The following MAEA variants were observed in gnomAD, a reference collection of about 807,000 sequenced individuals.
MAEA encodes the protein macrophage erythroblast attacher, E3 ubiquitin ligase, also known as E3 ubiquitin-protein transferase MAEA.
In MAEA, 22 loss-of-function variants were observed where a neutral mutation model predicts 46.2. That is an observed-to-expected ratio of 0.48 (90% CI 0.34 to 0.68). The LOEUF (loss-of-function observed/expected upper bound fraction) is 0.68. MAEA is among the 30% of genes least tolerant of loss of function. The pLI, the probability that MAEA is intolerant of heterozygous loss-of-function variation, is 0.01. For synonymous variants in MAEA, 246 were observed against 222.6 expected (o/e 1.11, Z -0.94); for missense variants, 393 against 558.1 (o/e 0.70, Z 2.98).
At chr4:1,300,600 G>A (rs749910300) in intron 1 of MAEA, among the ~76,000 whole-genome samples, 3 of 152,270 alleles carry the variant, frequency 2.0e-5, no homozygotes, top group Non-Finnish European at 4.4e-5. Flanking sequence ...GCCGGCTTCC[G>A]AGGCTGGGGC....
At chr4:1,327,147 G>C (rs1738948208) in intron 4 of MAEA, among the ~76,000 whole-genome samples, 1 of 152,268 alleles carries the variant, frequency 6.6e-6, no homozygotes, top group Non-Finnish European at 1.5e-5. Context: ...CGTTCTCCCA[G>C]AACAGCCCCG....
At chr4:1,290,315 C>T (rs1270086869) in intron 1 of MAEA, among the ~76,000 whole-genome samples, 2 of 151,822 alleles carry the variant, frequency 1.3e-5, no homozygotes, top group African/African-American at 4.8e-5. Flanking sequence ...TCTCTGGCGC[C>T]CAGGCAGACG....
chr4:1,306,474 T>A (rs1335249662), intron 1 of MAEA, among the ~76,000 whole-genome samples: 3 of 152,074 alleles, frequency 2.0e-5, no homozygotes, highest in Non-Finnish European at 2.9e-5. Context: ...GAGATCACGC[T>A]ATTGCACTCC....
chr4:1,309,186 G>A (rs1736129409), intron 1 of MAEA, among the ~76,000 whole-genome samples: 1 of 152,214 alleles, frequency 6.6e-6, no homozygotes, highest in Non-Finnish European at 1.5e-5. Flanking sequence ...TGCCAGGAAG[G>A]TTTGTGTGTG....
At position 1,320,992 on chromosome 4, in the gene MAEA, C is replaced by T. The variant is rs920449249; in HGVS notation, c.457-1389C>T. Among the ~76,000 whole-genome samples the T allele has an allele frequency of 5.3e-5, 8 of 152,172 alleles. No homozygotes were observed. The East Asian group carries it at 5.8e-4, about 11-fold the overall frequency. On this transcript the variant is annotated intron_variant, in intron 3 of 8. Transcript: ENST00000303400. ...GCAGGCGCCTGTAGTCCCAGCTACC[C>T]GGGAGGCCAAGGCAGGAGAATGGTG...
chr4:1,337,061 G>A (rs1264188004), intron 7 of MAEA, 67 bp downstream of exon 7: 24 of 1,559,970 alleles, frequency 1.5e-5, no homozygotes, highest in Admixed American at 3.4e-5. Flanking sequence ...ATTTTAACAC[G>A]CTGACCCTGC....
intron 3 of MAEA, among the ~76,000 whole-genome samples, chr4:1,322,129 C>A (rs2293631): frequency 0.3 from 45,178 of 152,028 alleles, 9,510 homozygotes; most frequent in African/African-American, 0.57. Flanking sequence ...TGGGGCCAGC[C>A]TGGCTCCCTT....
chr4:1,324,733 G>A (rs1224875589), intron 4 of MAEA, among the ~76,000 whole-genome samples: 1 of 122,980 alleles, frequency 8.1e-6, no homozygotes, highest in Middle Eastern at 3.6e-3. Context: ...GTCTGGTGTT[G>A]GATGAAGTTG....
Position 1,338,448 on chromosome 4 carries a change from C to T in MAEA, c.926C>T (p.Ser309Phe). Residue 309 changes from serine to phenylalanine, a missense_variant, in exon 8 of 9, where the codon TCC becomes TTC. Around this residue, in one of 2 missense-constraint regions of MAEA, gnomAD observed 358 missense variants for 537.9 expected, o/e 0.67. Coordinates refer to ENST00000303400, the MANE Select transcript of MAEA (RefSeq NM_001017405.3). ...CAGTGCTACAAGGAGGACGGCAGCT[C>T]CAAGAGCCCTGACTGCCCTGTGTGC... is the stretch of plus-strand genomic sequence containing the variant. ...TPQCYKEDGS[S>F]KSPDCPVCSR... The T allele has an allele frequency of 6.2e-7, 1 of 1,612,902 alleles. No individual in the cohort carries two copies. The highest frequency in any genetic ancestry group is 8.5e-7 in the Non-Finnish European group (1 of 1,179,870).
At chr4:1,298,184 C>T (rs937969158) in intron 1 of MAEA, 23 of 417,054 alleles carry the variant, frequency 5.5e-5, no homozygotes, top group South Asian at 2.2e-4. Flanking sequence ...GCTCTGCCCG[C>T]GGCTTGGCCC....
chr4:1,328,320 TCCGCTGGCTTC>T (rs888731417), intron 5 of MAEA, among the ~76,000 whole-genome samples: 15 of 152,180 alleles, frequency 9.9e-5, no homozygotes, highest in Non-Finnish European at 1.6e-4. Flanking sequence ...AGAGAGGCTG[TCCGCTGGCTTC>T]CCGCTGGCTC....
Position 1,322,332 on chromosome 4 carries a change from G to T in MAEA, c.457-49G>T, listed in dbSNP as rs763341841. ...GCTGGGGTGTGGGAGGGTGGCATGG[G>T]GGCCTTGAGCCAGCACATTCTGATC... On this transcript the variant is annotated intron_variant, in intron 3 of 8. Coordinates refer to ENST00000303400, the MANE Select transcript of MAEA (RefSeq NM_001017405.3). The T allele has an allele frequency of 4.4e-6, 7 of 1,601,894 alleles. No individual in the cohort carries two copies. In the African/African-American group the frequency reaches 6.7e-5, roughly 15 times the overall value.
chr4:1,302,721 C>G (rs2108878687), intron 1 of MAEA, among the ~76,000 whole-genome samples: 1 of 152,304 alleles, frequency 6.6e-6, no homozygotes, highest in African/African-American at 2.4e-5. Flanking sequence ...ACCTCGTGAT[C>G]CGCCCGCCTC....
intron 1 of MAEA, among the ~76,000 whole-genome samples, chr4:1,306,480 A>T (rs1352851979): frequency 6.6e-6 from 1 of 152,086 alleles, no homozygotes; most frequent in African/African-American, 2.4e-5. Flanking sequence ...ACGCTATTGC[A>T]CTCCAGCCTG....
At chr4:1,306,792 C>T (rs1735877704) in intron 1 of MAEA, among the ~76,000 whole-genome samples, 1 of 152,186 alleles carries the variant, frequency 6.6e-6, no homozygotes, top group African/African-American at 2.4e-5. Flanking sequence ...AAGATTTTCT[C>T]CCTTGTTTCC....
intron 1 of MAEA, among the ~76,000 whole-genome samples, chr4:1,297,611 G>T (rs1734878460): frequency 6.6e-6 from 1 of 152,164 alleles, no homozygotes; most frequent in Non-Finnish European, 1.5e-5. Flanking sequence ...GTCTGACGCG[G>T]TCGCCTGCAT....
chr4:1,326,771 C>T (rs950394168), intron 4 of MAEA, among the ~76,000 whole-genome samples: 2 of 152,224 alleles, frequency 1.3e-5, no homozygotes, highest in African/African-American at 2.4e-5. Flanking sequence ...GTCCCCTGGG[C>T]CAGGCCTCCA....
chr4:1,321,861 G>GTTTTTTTTTT (rs1240201773), intron 3 of MAEA, among the ~76,000 whole-genome samples: 5 of 134,938 alleles, frequency 3.7e-5, no homozygotes, highest in Admixed American at 7.6e-5. Flanking sequence ...GGGTTACTCT[G>GTTTTTTTTTT]TTTTTTTTGT....
rs139377022 is a variant in MAEA, at chr4:1,300,402, T to C, written c.69+10420T>C. Among the ~76,000 whole-genome samples the C allele has an allele frequency of 7.5e-3, 1,141 of 152,352 alleles. 13 individuals are homozygous for C. Among genetic ancestry groups the C allele is most frequent in the African/African-American group, 0.026 (1,085 of 41,588 alleles). The stretch of plus-strand genomic sequence containing the variant: ...GCCAGGTATGTAACTGCCAAAGTTG[T>C]GACCTTGTGGCAGAACAGCTGGCTC... On this transcript the variant is annotated intron_variant, in intron 1 of 8. Coordinates refer to ENST00000303400, the MANE Select transcript of MAEA (RefSeq NM_001017405.3).
Sources: allele counts gnomAD v4.1 joint callset (sites outside exome capture counted in the v4.1 genomes callset), GRCh38; gene constraint gnomAD v4.1.1; regional missense constraint gnomAD v4.1.1; transcripts MANE v1.5; gene names NCBI Gene and HGNC (gene_info 2026-07-23, HGNC 2026-07-21).